The following PLXDC2 variants were observed in gnomAD, a reference collection of about 807,000 sequenced individuals.
PLXDC2 encodes the protein plexin domain-containing protein 2.
In PLXDC2, 40 loss-of-function variants were observed where a neutral mutation model predicts 68.9. The ratio of observed to expected loss-of-function variants is 0.58; its 90% CI spans 0.45 to 0.76. The LOEUF (loss-of-function observed/expected upper bound fraction) is 0.76, where lower values mean the gene tolerates loss of function less well. Ranked by LOEUF, PLXDC2 falls within the 30% of genes least tolerant of loss-of-function variation. The pLI, the probability that PLXDC2 is intolerant of heterozygous loss-of-function variation, is 0.00. For synonymous variants in PLXDC2, 243 were observed against 234.2 expected, an observed-to-expected ratio of 1.04 and a Z score of -0.34; for missense variants, 644 against 661.9, an observed-to-expected ratio of 0.97 and a Z score of 0.30.
chr10:20,216,116 A>ACT (rs1564356608), intron 10 of PLXDC2, among the ~76,000 whole-genome samples: 2 of 152,006 alleles, frequency 1.3e-5, no homozygotes, highest in Admixed American at 1.3e-4. Flanking sequence ...CTAAAAAAAA[A>ACT]AAAAAATAAA....
intron 6 of PLXDC2, among the ~76,000 whole-genome samples, chr10:20,161,706 AAGGGAAGAAGAGAT>A (rs1211461753): frequency 6.6e-6 from 1 of 152,036 alleles, no homozygotes; most frequent in Non-Finnish European, 1.5e-5. Flanking sequence ...ATGGCTGGGT[AAGGGAAGAAGAGAT>A]AGGGAAGAGA....
chr10:20,049,163 C>T (rs147491864), intron 3 of PLXDC2, among the ~76,000 whole-genome samples: 82 of 152,148 alleles, frequency 5.4e-4, no homozygotes, highest in African/African-American at 1.9e-3. Context: ...ATTCAACACC[C>T]TTCATGTTAA....
At chr10:19,818,555 A>G (rs1347165990) in intron 1 of PLXDC2, among the ~76,000 whole-genome samples, 1 of 152,158 alleles carries the variant, frequency 6.6e-6, no homozygotes, top group Non-Finnish European at 1.5e-5. Context: ...GCAGGGAGGC[A>G]ATAGGATGAC....
At chr10:19,910,289 C>G (rs996932836) in intron 1 of PLXDC2, among the ~76,000 whole-genome samples, 1 of 151,520 alleles carries the variant, frequency 6.6e-6, no homozygotes, top group South Asian at 2.1e-4. Flanking sequence ...TGCTGCTGTA[C>G]GATAATAATG....
At chr10:20,163,586 G>T (rs957566781) in intron 6 of PLXDC2, among the ~76,000 whole-genome samples, 1 of 151,982 alleles carries the variant, frequency 6.6e-6, no homozygotes, top group African/African-American at 2.4e-5. Context: ...GACGTTTTCG[G>T]TGCATTTATT....
chr10:20,028,960 C>T (rs1353750549), intron 2 of PLXDC2, among the ~76,000 whole-genome samples: 3 of 152,138 alleles, frequency 2.0e-5, no homozygotes, highest in Non-Finnish European at 4.4e-5. Flanking sequence ...TTTGGCATAT[C>T]AAACTGTCCT....
chr10:19,916,404 C>T (rs1238472731), intron 1 of PLXDC2, among the ~76,000 whole-genome samples: 2 of 151,476 alleles, frequency 1.3e-5, no homozygotes, highest in East Asian at 3.9e-4. Context: ...CCACCTTAGC[C>T]TCCAAAAGTG....
At chr10:20,072,540 AAAG>A (rs1342968487) in intron 4 of PLXDC2, among the ~76,000 whole-genome samples, 104 of 106,666 alleles carry the variant, frequency 9.8e-4, no homozygotes, top group African/African-American at 7.4e-3. Flanking sequence ...AGAAAGAAAG[AAAG>A]AAAGAAAGAA....
chr10:19,845,256 G>T (rs143672525), intron 1 of PLXDC2, among the ~76,000 whole-genome samples: 2 of 152,142 alleles, frequency 1.3e-5, no homozygotes, highest in East Asian at 1.9e-4. Context: ...TGTAATAAAC[G>T]TGTAGGATTT....
chr10:19,874,200 A>G (rs918893685), intron 1 of PLXDC2, among the ~76,000 whole-genome samples: 6 of 152,204 alleles, frequency 3.9e-5, no homozygotes, highest in Non-Finnish European at 7.3e-5. Context: ...GCTTGTATTT[A>G]TGATTTAATT....
At chr10:20,253,641 G>A (rs888015869) in intron 13 of PLXDC2, among the ~76,000 whole-genome samples, 13 of 152,206 alleles carry the variant, frequency 8.5e-5, no homozygotes, top group African/African-American at 2.6e-4. Flanking sequence ...TTCAGCCTGT[G>A]TGCAACCTAG....
At chr10:19,922,285 G>T (rs1241168638) in intron 1 of PLXDC2, among the ~76,000 whole-genome samples, 3 of 152,248 alleles carry the variant, frequency 2.0e-5, no homozygotes, top group Non-Finnish European at 2.9e-5. Context: ...TGAATTGAGA[G>T]ATAGTGTTCC....
At chr10:20,231,366 G>C (rs1015974797) in intron 12 of PLXDC2, among the ~76,000 whole-genome samples, 4 of 150,992 alleles carry the variant, frequency 2.6e-5, no homozygotes, top group Non-Finnish European at 5.9e-5. Flanking sequence ...AATGATAACT[G>C]ATACAAAATA....
At chr10:20,106,511 GCTCCC>G (rs1439825878) in intron 4 of PLXDC2, among the ~76,000 whole-genome samples, 1 of 152,152 alleles carries the variant, frequency 6.6e-6, no homozygotes, top group Non-Finnish European at 1.5e-5. Context: ...GAGATAGCTT[GCTCCC>G]CTCTAACCCC....
chr10:20,072,544 A>AAAGAAAGAAAGAAAGCAAG (rs1554764553), intron 4 of PLXDC2, among the ~76,000 whole-genome samples: 1 of 118,086 alleles, frequency 8.5e-6, no homozygotes, highest in African/African-American at 4.4e-5. Flanking sequence ...AGAAAGAAAG[A>AAAGAAAGAAAGAAAGCAAG]AAGAAAGAAA....
In PLXDC2 at chr10:20,219,184, G is replaced by A. The variant is rs115386279; in HGVS notation, c.1312+82G>A. On this transcript the variant is annotated intron_variant, in intron 12 of 13. Coordinates refer to ENST00000377252, the MANE Select transcript of PLXDC2 (RefSeq NM_032812.9). Reference sequence around the variant, plus strand: ...TATTTTACTATGAGAAAGGCAATACGGGCTTCTAGATAAAAGGTGAGGTTG... The same window carrying A: ...TATTTTACTATGAGAAAGGCAATACAGGCTTCTAGATAAAAGGTGAGGTTG... 418 of 1,392,722 alleles carry A rather than the reference G, an allele frequency of 3.0e-4. No homozygotes were observed. The African/African-American group carries it at 5.2e-3, about 17-fold the overall frequency. The allele number at this position is 1,392,722 out of a possible 1,614,324, so 86.3% of individuals were successfully genotyped here.
intron 9 of PLXDC2, among the ~76,000 whole-genome samples, chr10:20,183,076 G>A (rs1356974148): frequency 6.6e-6 from 1 of 151,978 alleles, no homozygotes; most frequent in African/African-American, 2.4e-5. Flanking sequence ...TTTGAGATGG[G>A]TAAGACAGCA....
chr10:19,838,237 A>C lies in PLXDC2; in HGVS notation c.112+21046A>C, dbSNP rs187823873. 2.9e-3 allele frequency among the ~76,000 whole-genome samples: 435 copies of C among 152,210 alleles called. 9 individuals are homozygous for C. In the East Asian group the frequency reaches 0.053, roughly 19 times the overall value. ...CTAGGCCTCCCAAAGTGCTTGGATT[A>C]CAGGTGTGAACCACCATGCCCGGCT... On this transcript the variant is annotated intron_variant, in intron 1 of 13. Transcript: ENST00000377252.
At chr10:20,201,628 A>C (rs1834919419) in intron 9 of PLXDC2, among the ~76,000 whole-genome samples, 1 of 152,066 alleles carries the variant, frequency 6.6e-6, no homozygotes, top group Non-Finnish European at 1.5e-5. Context: ...AGAATATTGA[A>C]TGTTCCTAAC....
Sources: gnomAD v4.1 joint callset for allele counts (sites outside exome capture counted in the v4.1 genomes callset) on GRCh38, gnomAD v4.1.1 for gene constraint, MANE v1.5 for transcripts, NCBI Gene and HGNC (gene_info 2026-07-23, HGNC 2026-07-21) for gene names.